The following TRIM10 variants were observed in gnomAD, a reference collection of about 807,000 sequenced individuals.
TRIM10 encodes tripartite motif containing 10, also known as tripartite motif-containing protein 10.
Under a neutral mutation model 40.0 loss-of-function variants are expected in TRIM10, and 42 were observed. The observed-to-expected ratio is 1.05, with a 90% CI of 0.82 to 1.36. The LOEUF is 1.36. TRIM10 is among the 40% of genes most tolerant of loss of function. TRIM10 has a pLI of 0.00. For synonymous variants in TRIM10, 260 were observed against 239.5 expected, an observed-to-expected ratio of 1.09 and a Z score of -0.79; for missense variants, 601 against 608.3, an observed-to-expected ratio of 0.99 and a Z score of 0.13.
intron 2 of TRIM10, 53 bp downstream of exon 2, chr6:30,159,097 A>G: frequency 8.3e-7 from 1 of 1,203,770 alleles, no homozygotes. Flanking sequence ...AGTTTCAGGA[A>G]GACACTGGAC....
upstream of TRIM10, chr6:30,163,785 C>G: frequency 6.2e-7 from 1 of 1,613,044 alleles, no homozygotes. Flanking sequence ...TGTGGACACA[C>G]CTTCTGCCGG....
chr6:30,163,866 A>G (rs749672185), upstream of TRIM10: 12 of 1,612,962 alleles, frequency 7.4e-6, no homozygotes, highest in South Asian at 7.7e-5. Flanking sequence ...CCGCTCTGCC[A>G]AGAGGAGGAG....
intron 1 of TRIM10, 32 bp from the exon 2 acceptor site, chr6:30,159,277 G>A (rs753548574): frequency 6.1e-6 from 9 of 1,480,064 alleles, no homozygotes; most frequent in South Asian, 1.1e-5. Context: ...TACTCAAGAT[G>A]GAAAATGATT....
intron 2 of TRIM10, among the ~76,000 whole-genome samples, 153 bp downstream of exon 2, chr6:30,158,997 G>T (rs1427250015): frequency 6.6e-6 from 1 of 152,222 alleles, no homozygotes; most frequent in Non-Finnish European, 1.5e-5. Flanking sequence ...GTAAACTGAA[G>T]TTGGAGAGTT....
In TRIM10 at chr6:30,160,736, G is replaced by A. The variant is rs767047205; in HGVS notation, c.123C>T (p.Thr41=). Reference sequence around the variant, plus strand: ...CTGGGCCTGGTATCTCACAGTAGCGGGTAAGGCAGGCCCGGCAGAAGTTGT... The same window carrying A: ...CTGGGCCTGGTATCTCACAGTAGCGAGTAAGGCAGGCCCGGCAGAAGTTGT... ...CGHNFCRACL[T]RYCEIPGPDL... Residue 41 remains threonine (T), a synonymous_variant, in exon 1 of 7, where the codon ACC becomes ACT. Coordinates refer to ENST00000449742, the MANE Select transcript of TRIM10 (RefSeq NM_006778.4). 3 of 1,614,218 alleles carry A rather than the reference G, an allele frequency of 1.9e-6. No homozygotes were observed. In the Admixed American group the frequency reaches 5.0e-5, roughly 27 times the overall value.
intron 6 of TRIM10, chr6:30,154,785 C>T (rs1295501432): frequency 2.2e-5 from 15 of 667,546 alleles, no homozygotes; most frequent in Non-Finnish European, 3.6e-5. Flanking sequence ...CTCTTCTGCT[C>T]ACCGCAAGTT....
chr6:30,163,460 C>T (rs1773296747), upstream of TRIM10: 24 of 603,632 alleles, frequency 4.0e-5, 1 homozygote, highest in South Asian at 5.7e-4. Context: ...AATTTGGACC[C>T]ACTCCGCTGA....
At chr6:30,155,032 G>C (rs995557949) in intron 6 of TRIM10, among the ~76,000 whole-genome samples, 5 of 152,162 alleles carry the variant, frequency 3.3e-5, no homozygotes, top group African/African-American at 1.2e-4. Flanking sequence ...TTCTGAAACT[G>C]TCAGAGTCTG....
At chr6:30,154,631 C>A (rs1772357738) in intron 6 of TRIM10, 145 bp from the exon 7 acceptor site, 2 of 1,006,938 alleles carry the variant, frequency 2.0e-6, no homozygotes, top group African/African-American at 3.2e-5. Flanking sequence ...CAGTGTGGAA[C>A]CACCTGGGAA....
intron 1 of TRIM10, among the ~76,000 whole-genome samples, chr6:30,159,769 C>T (rs1772901478): frequency 6.6e-6 from 1 of 151,860 alleles, no homozygotes; most frequent in African/African-American, 2.4e-5. Flanking sequence ...GAGTTAGGAA[C>T]AGGTACACAC....
chr6:30,159,815 TCTCA>T (rs1772906869), intron 1 of TRIM10, among the ~76,000 whole-genome samples: 1 of 152,292 alleles, frequency 6.6e-6, no homozygotes, highest in East Asian at 1.9e-4. Context: ...ATATTAGAAT[TCTCA>T]CTATCAACTG....
Position 30,160,517 on chromosome 6 carries a change from C to T in TRIM10, c.342G>A (p.Glu114=), listed in dbSNP as rs1562128860. 6.2e-7 allele frequency: 1 copy of T among 1,614,220 alleles called. No individual in the cohort carries two copies. The highest frequency in any genetic ancestry group is 1.3e-5 in the African/African-American group (1 of 75,068). ...EKIYFFCEDD[E]MQLCVVCREA... is the part of the protein sequence containing the mutation. Reference sequence around the variant, plus strand: ...CCCGGCACACCACGCACAACTGCATCTCATCATCCTCACAGAAGAAGTAGA... The same window carrying T: ...CCCGGCACACCACGCACAACTGCATTTCATCATCCTCACAGAAGAAGTAGA... Residue 114 remains glutamate (E), a synonymous_variant, in exon 1 of 7, where the codon GAG becomes GAA. Transcript: ENST00000449742.
chr6:30,160,715 G>A lies in TRIM10; in HGVS notation c.144C>T (p.Gly48=). ...AAGTAGGGGACTCCTCCAGGTCTGG[G>A]CCTGGTATCTCACAGTAGCGGGTAA... is the stretch of plus-strand genomic sequence containing the variant. ...ACLTRYCEIP[G]PDLEESPTCP... is the part of the protein sequence containing the mutation. The change falls in exon 1 of 7, where the codon GGC becomes GGT. Residue 48 remains glycine, a synonymous_variant. Coordinates refer to ENST00000449742, the MANE Select transcript of TRIM10 (RefSeq NM_006778.4). 6.2e-7 allele frequency: 1 copy of A among 1,614,186 alleles called. No individual in the cohort carries two copies. The highest frequency in any genetic ancestry group is 8.5e-7 in the Non-Finnish European group (1 of 1,180,038).
In TRIM10 at chr6:30,158,574, T is replaced by C; in HGVS notation, c.581A>G (p.Lys194Arg). The change falls in exon 3 of 7, where the codon AAG (lysine) becomes AGG (arginine). Residue 194 changes from lysine (K) to arginine (R), a missense_variant. Coordinates refer to ENST00000449742, the MANE Select transcript of TRIM10 (RefSeq NM_006778.4). ...GATGCTCTGCTGTTCCTCTAGAAAC[T>C]TCCTCAGGTGTGCGAACTCAGAAAT... is the stretch of plus-strand genomic sequence containing the variant. ...QVISEFAHLR[K>R]FLEEQQSILL... The C allele has an allele frequency of 2.5e-6, 4 of 1,613,026 alleles. No individual in the cohort carries two copies. The highest frequency in any genetic ancestry group is 3.4e-6 in the Non-Finnish European group (4 of 1,180,016).
chr6:30,162,275 CAAAAAA>C (rs112405006), upstream of TRIM10, among the ~76,000 whole-genome samples: 1 of 65,262 alleles, frequency 1.5e-5, no homozygotes, highest in African/African-American at 5.3e-5. Context: ...GACTCCATTT[CAAAAAA>C]AAAAAAAAAG....
chr6:30,163,925 A>T, upstream of TRIM10: 1 of 1,613,108 alleles, frequency 6.2e-7, no homozygotes, highest in Non-Finnish European at 8.5e-7. Flanking sequence ...GCTGGGAGAA[A>T]CTTACTGCGA....
Position 30,155,719 on chromosome 6 carries a change from C to T in TRIM10, c.928+8G>A, listed in dbSNP as rs754494139. On this transcript the variant is annotated splice_region_variant and intron_variant, in intron 6 of 6. Transcript: ENST00000449742. Reference sequence around the variant, plus strand: ...TCATTCTCTCCCATCCTGACATAGGCTCCTTACCTGGCTCATAGTCCAACT... The same window carrying T: ...TCATTCTCTCCCATCCTGACATAGGTTCCTTACCTGGCTCATAGTCCAACT... The T allele has an allele frequency of 6.2e-7, 1 of 1,613,712 alleles. No homozygotes were observed. Among genetic ancestry groups the T allele is most frequent in the Non-Finnish European group, 8.5e-7 (1 of 1,179,888 alleles).
intron 3 of TRIM10, among the ~76,000 whole-genome samples, chr6:30,157,716 T>C (rs1264266648): frequency 7.5e-6 from 1 of 133,028 alleles, no homozygotes; most frequent in Non-Finnish European, 1.6e-5. Context: ...CCCAGGCTCC[T>C]CCCACTTTTC....
intron 1 of TRIM10, among the ~76,000 whole-genome samples, chr6:30,159,635 G>A (rs987242993): frequency 1.3e-5 from 2 of 152,174 alleles, no homozygotes; most frequent in African/African-American, 4.8e-5. Context: ...AGGAACATGT[G>A]TAAATAACAA....
Sources: allele counts gnomAD v4.1 joint callset (sites outside exome capture counted in the v4.1 genomes callset), GRCh38; gene constraint gnomAD v4.1.1; transcripts MANE v1.5; gene names NCBI Gene and HGNC (gene_info 2026-07-23, HGNC 2026-07-21).